Variants in NLGN1 observed in about 807,000 individuals in gnomAD.
The protein encoded by NLGN1 is neuroligin 1.
A neutral mutation model predicts 65.5 loss-of-function variants in NLGN1; 12 were observed. That is an observed-to-expected ratio of 0.18 (90% confidence interval 0.12 to 0.30). The LOEUF (loss-of-function observed/expected upper bound fraction) is 0.30, where lower values mean the gene tolerates loss of function less well. NLGN1 is among the 10% of genes least tolerant of loss of function. The pLI is 1.00. For missense variants in NLGN1, 750 were observed against 1,007.1 expected, an observed-to-expected ratio of 0.74 and a Z score of 3.46; for synonymous variants, 350 against 359.5, an observed-to-expected ratio of 0.97 and a Z score of 0.30.
At chr3:173,651,724 T>A (rs1313255704) in intron 3 of NLGN1, among the ~76,000 whole-genome samples, 1 of 151,454 alleles carries the variant, frequency 6.6e-6, no homozygotes. Context: ...ATGTTGAGCA[T>A]TTTTTTTTAT....
intron 3 of NLGN1, among the ~76,000 whole-genome samples, chr3:173,624,546 T>C (rs116302905): frequency 0.014 from 2,146 of 152,248 alleles, 55 homozygotes; most frequent in African/African-American, 0.049. Flanking sequence ...AGACAATTTC[T>C]TCTTTATATT....
chr3:173,657,859 T>G (rs1465282491), intron 3 of NLGN1, among the ~76,000 whole-genome samples: 1 of 151,914 alleles, frequency 6.6e-6, no homozygotes, highest in Non-Finnish European at 1.5e-5. Context: ...GTATTAATAC[T>G]TCCTAGATTT....
intron 4 of NLGN1, among the ~76,000 whole-genome samples, chr3:174,205,883 A>C (rs1258176408): frequency 6.6e-6 from 1 of 152,336 alleles, no homozygotes; most frequent in South Asian, 2.1e-4. Flanking sequence ...GATTCTCGTG[A>C]GTATCACTGA....
intron 4 of NLGN1, among the ~76,000 whole-genome samples, chr3:173,948,708 G>A (rs1252742154): frequency 6.6e-6 from 1 of 152,134 alleles, no homozygotes; most frequent in Non-Finnish European, 1.5e-5. Context: ...ATATTTACGT[G>A]ATATTTGTCT....
downstream of NLGN1, among the ~76,000 whole-genome samples, chr3:174,287,959 A>G (rs1326592040): frequency 6.6e-6 from 1 of 151,578 alleles, no homozygotes; most frequent in Non-Finnish European, 1.5e-5. Flanking sequence ...TCTTCTTTCA[A>G]CAAATGTTGT....
At chr3:173,789,741 G>T (rs1441112446) in intron 3 of NLGN1, 1 of 432,430 alleles carries the variant, frequency 2.3e-6, no homozygotes, top group Admixed American at 2.4e-5. Flanking sequence ...TTCACAATCT[G>T]GGCATAATGT....
At chr3:173,490,638 T>A (rs1191531116) in intron 2 of NLGN1, among the ~76,000 whole-genome samples, 1 of 152,152 alleles carries the variant, frequency 6.6e-6, no homozygotes, top group Non-Finnish European at 1.5e-5. Context: ...AAGAAAGTCA[T>A]TAGTAGCTTG....
intron 4 of NLGN1, among the ~76,000 whole-genome samples, chr3:173,954,117 A>G (rs1258894617): frequency 6.6e-6 from 1 of 152,088 alleles, no homozygotes. Context: ...TCATCAGTCT[A>G]CTGTAACTTA....
intron 4 of NLGN1, among the ~76,000 whole-genome samples, chr3:174,115,341 A>G (rs1025774147): frequency 5.9e-5 from 9 of 152,190 alleles, no homozygotes; most frequent in Non-Finnish European, 1.2e-4. Flanking sequence ...CACAATATAT[A>G]ATAGCCACTA....
At chr3:173,653,424 G>A (rs1357698676) in intron 3 of NLGN1, among the ~76,000 whole-genome samples, 1 of 152,070 alleles carries the variant, frequency 6.6e-6, no homozygotes, top group Non-Finnish European at 1.5e-5. Flanking sequence ...TCTTTGCCTA[G>A]TTTGTTAAGG....
rs533540908 is a variant in NLGN1 at position 173,787,072 on chromosome 3, C to T, written c.494-20608C>T. On this transcript the variant is annotated intron_variant, in intron 3 of 6. Coordinates refer to ENST00000457714, the Ensembl canonical transcript of NLGN1. ...AGTCTGGGAAACAAGAGCAAAACTCCGTCTCAAAAAAAAAAAAAAGAAGAA... is the reference window on the plus strand; with the variant it reads ...AGTCTGGGAAACAAGAGCAAAACTCTGTCTCAAAAAAAAAAAAAAGAAGAA... Among the ~76,000 whole-genome samples the T allele has an allele frequency of 3.1e-4, 22 of 70,332 alleles. 1 individual carries two copies. The South Asian group carries it at 3.8e-3, about 12-fold the overall frequency. The allele number at this position is 70,332 out of a possible 152,430, so 46.1% of individuals were successfully genotyped here.
intron 4 of NLGN1, among the ~76,000 whole-genome samples, chr3:174,184,841 T>A (rs539779995): frequency 6.6e-6 from 1 of 152,180 alleles, no homozygotes; most frequent in Non-Finnish European, 1.5e-5. Context: ...TACCCAGACA[T>A]GGTCTCATGA....
intron 3 of NLGN1, among the ~76,000 whole-genome samples, chr3:173,787,580 C>T (rs181096785): frequency 7.2e-5 from 11 of 152,162 alleles, no homozygotes; most frequent in Admixed American, 6.5e-4. Context: ...ATTTTAATAG[C>T]TTAAAGGGAA....
intron 4 of NLGN1, among the ~76,000 whole-genome samples, chr3:174,156,902 A>G (rs1453985384): frequency 6.6e-6 from 1 of 151,398 alleles, no homozygotes; most frequent in East Asian, 1.9e-4. Flanking sequence ...ATATCCCACT[A>G]TCATTTGCAT....
At chr3:174,105,389 T>G (rs1713491655) in intron 4 of NLGN1, among the ~76,000 whole-genome samples, 1 of 151,820 alleles carries the variant, frequency 6.6e-6, no homozygotes, top group South Asian at 2.1e-4. Context: ...ACTACAAAAA[T>G]TAGCCAGGCA....
At chr3:174,006,863 G>A (rs934137439) in intron 4 of NLGN1, among the ~76,000 whole-genome samples, 1 of 152,034 alleles carries the variant, frequency 6.6e-6, no homozygotes, top group Non-Finnish European at 1.5e-5. Flanking sequence ...GGGGTCAGGA[G>A]TTCGAAACCA....
chr3:174,180,820 G>T (rs1730261547), intron 4 of NLGN1: 1 of 151,914 alleles, frequency 6.6e-6, no homozygotes, highest in South Asian at 2.1e-4. Context: ...AGACTTTAAA[G>T]AAGGAAAGAT....
rs562094284 is a variant in NLGN1, at chr3:173,509,540, G to A, written c.-321+74462G>A. Among the ~76,000 whole-genome samples, 111 of 152,246 alleles carry A rather than the reference G, an allele frequency of 7.3e-4. 1 individual carries two copies. Among genetic ancestry groups the A allele is most frequent in the Non-Finnish European group, 1.4e-3 (92 of 68,020 alleles). ...AGTTGGGAGGGTCACCTGAGCTTGGGAAGTTGAAGCTCCAATGAGCCATAC... is the reference window on the plus strand; with the variant it reads ...AGTTGGGAGGGTCACCTGAGCTTGGAAAGTTGAAGCTCCAATGAGCCATAC... On this transcript the variant is annotated intron_variant, in intron 2 of 6. Coordinates refer to ENST00000457714, the Ensembl canonical transcript of NLGN1.
chr3:173,858,841 TCTC>T (rs1728522135), intron 4 of NLGN1, among the ~76,000 whole-genome samples: 1 of 152,072 alleles, frequency 6.6e-6, no homozygotes, highest in South Asian at 2.1e-4. Flanking sequence ...GCAAAATACT[TCTC>T]CTAGGTCTGA....
Sources: allele counts gnomAD v4.1 joint callset (sites outside exome capture counted in the v4.1 genomes callset), GRCh38; gene constraint gnomAD v4.1.1; transcripts MANE v1.5; gene names NCBI Gene and HGNC (gene_info 2026-07-23, HGNC 2026-07-21).